Variants in CAMK2D observed in about 807,000 individuals in gnomAD.
CAMK2D encodes calcium/calmodulin-dependent protein kinase type II subunit delta.
A neutral mutation model predicts 84.0 loss-of-function variants in CAMK2D; 37 were observed. The observed-to-expected ratio is 0.44, with a 90% CI of 0.34 to 0.58. CAMK2D has a LOEUF of 0.58. CAMK2D is among the 20% of genes least tolerant of loss of function. The pLI, the probability that CAMK2D is intolerant of heterozygous loss-of-function variation, is 0.02. For synonymous variants in CAMK2D, 202 were observed against 212.5 expected (o/e 0.95, Z 0.43); for missense variants, 448 against 652.5 (o/e 0.69, Z 3.41).
At chr4:113,689,514 A>G (rs145974416) in intron 2 of CAMK2D, among the ~76,000 whole-genome samples, 101 of 152,108 alleles carry the variant, frequency 6.6e-4, no homozygotes, top group African/African-American at 2.3e-3. Context: ...ATTTTATTCT[A>G]CTTTCCCTTT....
At chr4:113,486,053 CAGATT>C (rs982850193) in intron 16 of CAMK2D, among the ~76,000 whole-genome samples, 11 of 151,992 alleles carry the variant, frequency 7.2e-5, no homozygotes, top group African/African-American at 1.2e-4. Flanking sequence ...TGAACTCTCT[CAGATT>C]AGACCAGCTT....
At chr4:113,743,493 C>T (rs796246132) in intron 2 of CAMK2D, among the ~76,000 whole-genome samples, 8 of 152,270 alleles carry the variant, frequency 5.3e-5, no homozygotes, top group African/African-American at 1.7e-4. Flanking sequence ...CAAAGACCAT[C>T]CAACTTCTCA....
chr4:113,752,670 A>G (rs2099620015), intron 2 of CAMK2D, among the ~76,000 whole-genome samples: 1 of 152,178 alleles, frequency 6.6e-6, no homozygotes, highest in African/African-American at 2.4e-5. Flanking sequence ...CTTACTGTAT[A>G]GTGAGATATT....
chr4:113,610,124 G>A (rs778095014), intron 3 of CAMK2D, among the ~76,000 whole-genome samples: 12 of 151,836 alleles, frequency 7.9e-5, no homozygotes, highest in Non-Finnish European at 1.8e-4. Flanking sequence ...TCATGTCACG[G>A]GGGTTGATGT....
intron 2 of CAMK2D, among the ~76,000 whole-genome samples, chr4:113,723,984 T>C (rs916435216): frequency 2.0e-5 from 3 of 152,150 alleles, no homozygotes; most frequent in African/African-American, 4.8e-5. Flanking sequence ...TATAACATAT[T>C]GATGTTATAT....
At chr4:113,502,208 T>A (rs2154151402) in intron 15 of CAMK2D, among the ~76,000 whole-genome samples, 1 of 152,090 alleles carries the variant, frequency 6.6e-6, no homozygotes, top group East Asian at 1.9e-4. Flanking sequence ...CCTATAGACA[T>A]GTATGCTAGT....
At chr4:113,683,786 A>T (rs2099352236) in intron 2 of CAMK2D, among the ~76,000 whole-genome samples, 1 of 152,218 alleles carries the variant, frequency 6.6e-6, no homozygotes, top group African/African-American at 2.4e-5. Flanking sequence ...TAACAAATTA[A>T]TCCTGTGCTA....
chr4:113,607,268 A>C (rs1327985236), intron 4 of CAMK2D, among the ~76,000 whole-genome samples: 3 of 152,180 alleles, frequency 2.0e-5, no homozygotes, highest in African/African-American at 7.2e-5. Context: ...AGCCAGATGA[A>C]ACTACGGCCA....
intron 3 of CAMK2D, among the ~76,000 whole-genome samples, chr4:113,628,560 T>C (rs2099076944): frequency 6.6e-6 from 1 of 152,172 alleles, no homozygotes; most frequent in South Asian, 2.1e-4. Flanking sequence ...AAAGGACTTA[T>C]CTTTCCTGGT....
At chr4:113,636,098 AT>A (rs1203078492) in intron 3 of CAMK2D, among the ~76,000 whole-genome samples, 1 of 152,184 alleles carries the variant, frequency 6.6e-6, no homozygotes, top group East Asian at 1.9e-4. Flanking sequence ...TCTAATAGGT[AT>A]TCTAAAATTA....
intron 4 of CAMK2D, among the ~76,000 whole-genome samples, chr4:113,589,815 A>T (rs1447636702): frequency 6.6e-6 from 1 of 152,162 alleles, no homozygotes; most frequent in Non-Finnish European, 1.5e-5. Context: ...TAAAGCCATG[A>T]TACTGGATGA....
chr4:113,637,784 A>G (rs1431831438), intron 3 of CAMK2D, among the ~76,000 whole-genome samples: 1 of 152,048 alleles, frequency 6.6e-6, no homozygotes, highest in African/African-American at 2.4e-5. Context: ...TTTTTAATCC[A>G]TAGGTTGGTT....
intron 16 of CAMK2D, among the ~76,000 whole-genome samples, chr4:113,486,312 A>G (rs956908203): frequency 1.3e-5 from 2 of 151,656 alleles, no homozygotes; most frequent in African/African-American, 4.8e-5. Flanking sequence ...TTTTGTAGAG[A>G]TGGGGTCTTG....
rs577621909 is a variant in CAMK2D at position 113,761,719 on chromosome 4, G to A, written c.-651C>T. On this transcript the variant is annotated 5_prime_UTR_variant, in exon 1 of 21. Coordinates refer to ENST00000511664, the MANE Select transcript of CAMK2D (RefSeq NM_001321571.2). ...TGCTCACGAGCCCGCGCGGCTTCAA[G>A]ACGGCGCGGCGAGAGAAAGAGCGCT... 3.3e-6 allele frequency: 3 copies of A among 914,358 alleles called. No homozygotes were observed. The highest frequency in any genetic ancestry group is 1.8e-5 in the African/African-American group (1 of 55,820). 56.6% of individuals were successfully genotyped at this position (914,358 alleles called of 1,614,324 possible).
At chr4:113,647,337 C>A (rs2099156006) in intron 3 of CAMK2D, among the ~76,000 whole-genome samples, 1 of 152,160 alleles carries the variant, frequency 6.6e-6, no homozygotes, top group South Asian at 2.1e-4. Context: ...GTTTCAAAAG[C>A]AGTTTATTTT....
intron 2 of CAMK2D, among the ~76,000 whole-genome samples, chr4:113,747,316 T>TTTC (rs1347953655): frequency 9.7e-5 from 11 of 113,836 alleles, no homozygotes; most frequent in Admixed American, 5.1e-4. Context: ...TTTTTTTTTT[T>TTTC]TTTAAATTCA....
chr4:113,658,145 T>C (rs939048770), intron 3 of CAMK2D, among the ~76,000 whole-genome samples: 2 of 152,210 alleles, frequency 1.3e-5, no homozygotes, highest in Non-Finnish European at 2.9e-5. Context: ...TTATGGCATC[T>C]GTCTTTAAAA....
At chr4:113,548,064 CAT>C (rs1175980554) in intron 5 of CAMK2D, among the ~76,000 whole-genome samples, 5 of 152,190 alleles carry the variant, frequency 3.3e-5, no homozygotes, top group African/African-American at 1.2e-4. Flanking sequence ...CACCCCGTCA[CAT>C]AAATTGTTTC....
intron 4 of CAMK2D, among the ~76,000 whole-genome samples, chr4:113,604,347 G>A (rs750706910): frequency 1.3e-4 from 20 of 151,950 alleles, no homozygotes; most frequent in Non-Finnish European, 2.2e-4. Flanking sequence ...CAATGATCAC[G>A]TAATTTTGAG....
Sources: allele counts gnomAD v4.1 joint callset (sites outside exome capture counted in the v4.1 genomes callset), GRCh38; gene constraint gnomAD v4.1.1; transcripts MANE v1.5; gene names NCBI Gene and HGNC (gene_info 2026-07-23, HGNC 2026-07-21).